Variants in ROBO3 observed in about 807,000 individuals in gnomAD.
ROBO3 encodes roundabout homolog 3.
In ROBO3, 97 loss-of-function variants were observed where a neutral mutation model predicts 160.5. The observed-to-expected ratio is 0.60, with a 90% CI of 0.51 to 0.72. The LOEUF (loss-of-function observed/expected upper bound fraction) is 0.72. Among genes scored for constraint, ROBO3 ranks in the 30% least tolerant of loss-of-function variants. The pLI is 0.00. For synonymous variants in ROBO3, 780 were observed against 746.2 expected, an observed-to-expected ratio of 1.05 and a Z score of -0.74; for missense variants, 1,858 against 1,846.5, an observed-to-expected ratio of 1.01 and a Z score of -0.11.
intron 1 of ROBO3, among the ~76,000 whole-genome samples, chr11:124,868,070 A>G (rs917677168): frequency 1.3e-5 from 2 of 152,238 alleles, no homozygotes; most frequent in African/African-American, 4.8e-5. Context: ...AGGAACATCA[A>G]TCAGTAGAAT....
At chr11:124,880,829 G>A (rs897100093) in intron 27 of ROBO3, among the ~76,000 whole-genome samples, 68 of 152,128 alleles carry the variant, frequency 4.5e-4, no homozygotes, top group Admixed American at 5.2e-4. Context: ...CGAGATGGGC[G>A]GATCCCTTGA....
At position 124,872,117 on chromosome 11, in the gene ROBO3, T is replaced by A. The variant is rs1946286105; in HGVS notation, c.1159-264T>A. Among the ~76,000 whole-genome samples, 1 of 152,246 alleles carries A rather than the reference T, an allele frequency of 6.6e-6. No individual in the cohort carries two copies. Among genetic ancestry groups the A allele is most frequent in the Non-Finnish European group, 1.5e-5 (1 of 68,044 alleles). On this transcript the variant is annotated intron_variant, in intron 7 of 27. Transcript: ENST00000397801. This position sits in a 1 kb window ranked among gnomAD's most constrained non-coding sequence, Gnocchi z 4.3. The stretch of plus-strand genomic sequence containing the variant: ...GAAGTCAAATTTGGGAAATTGGGGC[T>A]CAGGCAGGTTAAACAGCTTGTTCAG...
chr11:124,876,421 T>C lies in ROBO3; in HGVS notation c.2740T>C (p.Trp914Arg). 1 of 1,448,418 alleles carries C rather than the reference T, an allele frequency of 6.9e-7. No individual in the cohort carries two copies. The highest frequency in any genetic ancestry group is 1.9e-4 in the Middle Eastern group (1 of 5,240). The allele number at this position is 1,448,418 out of a possible 1,614,324, so 89.7% of individuals were successfully genotyped here. ...TCTCGGGCTCTGCGCCGCCCTCTAC[T>C]GGCGCCGGAAACAGCGCAAAGAGCT... ...LLLGLCAALY[W>R]RRKQRKELSH... The change falls in exon 17 of 28, where the codon TGG becomes CGG. Residue 914 changes from tryptophan (W) to arginine (R), a missense_variant. Transcript: ENST00000397801. The surrounding 1 kb of genome is among the most constrained non-coding windows in gnomAD (Gnocchi z 5.3).
In ROBO3 at chr11:124,876,380, C is replaced by T. The variant is rs746827802; in HGVS notation, c.2699C>T (p.Ala900Val). ...EPAFLAGSGA[A>V]CGALLLGLCA... The stretch of plus-strand genomic sequence containing the variant: ...GCCTTCCTCGCGGGCAGCGGCGCAG[C>T]CTGCGGGGCGCTGCTTCTCGGGCTC... Residue 900 changes from alanine to valine, a missense_variant, in exon 17 of 28, where the codon GCC becomes GTC. Physicochemically the swap from Ala to Val is moderately conservative, Grantham distance 64. Coordinates refer to ENST00000397801, the MANE Select transcript of ROBO3 (RefSeq NM_022370.4). The surrounding 1 kb of genome is among the most constrained non-coding windows in gnomAD (Gnocchi z 5.3). 31 of 1,445,002 alleles carry T rather than the reference C, an allele frequency of 2.1e-5. No individual in the cohort carries two copies. In the East Asian group the frequency reaches 8.5e-4, roughly 40 times the overall value. The allele number at this position is 1,445,002 out of a possible 1,614,324, so 89.5% of individuals were successfully genotyped here.
Position 124,881,250 on chromosome 11 carries a change from A to G in ROBO3, c.4161A>G (p.Ter1387TrpextTer6). 2.5e-6 allele frequency: 4 copies of G among 1,604,556 alleles called. No homozygotes were observed. The highest frequency in any genetic ancestry group is 3.4e-6 in the Non-Finnish European group (4 of 1,175,420). ...CTCTCTCTCCCTAGGAACCAAGATG[A>G]CCCTTGTTGGGGCATTGAGAATATC... ...PGQKRREEPR[*>W] is the part of the protein sequence containing the mutation. The change falls in exon 28 of 28, where the codon TGA becomes TGG. Residue 1387 changes from the stop codon to tryptophan (W), a stop_lost. Coordinates refer to ENST00000397801, the MANE Select transcript of ROBO3 (RefSeq NM_022370.4).
At chr11:124,877,804 C>A in intron 20 of ROBO3, 133 bp from the exon 21 acceptor site, 1 of 1,213,864 alleles carries the variant, frequency 8.2e-7, no homozygotes, top group Non-Finnish European at 1.2e-6. Context: ...TCAGACCTAC[C>A]TCCACCCTGG....
At chr11:124,868,472 C>G (rs1226644635) in intron 1 of ROBO3, 1 of 592,684 alleles carries the variant, frequency 1.7e-6, no homozygotes, top group African/African-American at 1.9e-5. Context: ...GTCTACTCGC[C>G]AAGCGTGGTT....
chr11:124,880,707 G>T, intron 27 of ROBO3, 99 bp downstream of exon 27: 8 of 1,433,216 alleles, frequency 5.6e-6, no homozygotes, highest in Non-Finnish European at 7.3e-6. Flanking sequence ...GCTTGTGGAG[G>T]AGTGTCAAAA....
rs552230242 is a variant in ROBO3, at chr11:124,881,229, C to T, written c.4150-10C>T. On this transcript the variant is annotated splice_polypyrimidine_tract_variant and intron_variant, in intron 27 of 27. Transcript: ENST00000397801. ...GTTTTACAAAACAGCATCTCTCTCT[C>T]TCTCCCTAGGAACCAAGATGACCCT... is the stretch of plus-strand genomic sequence containing the variant. The T allele has an allele frequency of 2.5e-6, 4 of 1,605,116 alleles. No homozygotes were observed. The African/African-American group carries it at 4.0e-5, about 16-fold the overall frequency.
At position 124,872,097 on chromosome 11, in the gene ROBO3, C is replaced by T. The variant is rs143312968; in HGVS notation, c.1159-284C>T. Among the ~76,000 whole-genome samples, 1,613 of 152,328 alleles carry T rather than the reference C, an allele frequency of 0.011. 26 individuals carry two copies. Among genetic ancestry groups the T allele is most frequent in the African/African-American group, 0.036 (1,515 of 41,570 alleles). On this transcript the variant is annotated intron_variant, in intron 7 of 27. Transcript: ENST00000397801. The surrounding 1 kb of genome is among the most constrained non-coding windows in gnomAD (Gnocchi z 4.3). ...ATCTTTATAACTATCCTCTAGAAGT[C>T]AAATTTGGGAAATTGGGGCTCAGGC... is the stretch of plus-strand genomic sequence containing the variant.
rs372223363 is a variant in ROBO3, at chr11:124,877,324, C to T, written c.2846+15C>T. 14 of 1,613,794 alleles carry T rather than the reference C, an allele frequency of 8.7e-6. No homozygotes were observed. Among genetic ancestry groups the T allele is most frequent in the Non-Finnish European group, 1.1e-5 (13 of 1,179,730 alleles). On this transcript the variant is annotated intron_variant, in intron 19 of 27. Coordinates refer to ENST00000397801, the MANE Select transcript of ROBO3 (RefSeq NM_022370.4). ...GCCAGTTCCAGGTAATTCTCTTAGC[C>T]CATTTCCTCAGGATGACCTCCACCG...
Position 124,870,589 on chromosome 11 carries a change from G to A in ROBO3, c.906-12G>A. On this transcript the variant is annotated splice_polypyrimidine_tract_variant and intron_variant, in intron 5 of 27. Coordinates refer to ENST00000397801, the MANE Select transcript of ROBO3 (RefSeq NM_022370.4). ...CTGTGGCCAACCCAGCCTGGGGTGG[G>A]GAGTGGAGCAGGTATGAGATCCGGA... The A allele has an allele frequency of 6.2e-7, 1 of 1,613,756 alleles. No individual in the cohort carries two copies. Among genetic ancestry groups the A allele is most frequent in the Non-Finnish European group, 8.5e-7 (1 of 1,179,844 alleles).
chr11:124,878,305 G>A lies in ROBO3; in HGVS notation c.3189G>A (p.Lys1063=). The A allele has an allele frequency of 2.5e-6, 4 of 1,613,206 alleles. No homozygotes were observed. Among genetic ancestry groups the A allele is most frequent in the Non-Finnish European group, 2.5e-6 (3 of 1,179,608 alleles). The part of the protein sequence containing the change: ...PEWSQGDSGA[K]GGKVKLLGKP... ...CCATCCTATTCTCCTCAGGAGCCAA[G>A]GGAGGCAAAGTGAAGCTTCTGGGGA... The change falls in exon 22 of 28, where the codon AAG becomes AAA. Residue 1063 remains lysine (K), a synonymous_variant. Coordinates refer to ENST00000397801, the MANE Select transcript of ROBO3 (RefSeq NM_022370.4). The surrounding 1 kb of genome is among the most constrained non-coding windows in gnomAD (Gnocchi z 4.3).
Position 124,873,482 on chromosome 11 carries a change from A to T in ROBO3, c.1618+91A>T. 8.4e-7 allele frequency: 1 copy of T among 1,195,880 alleles called. No homozygotes were observed. Among genetic ancestry groups the T allele is most frequent in the Non-Finnish European group, 1.2e-6 (1 of 824,920 alleles). 74.1% of individuals were successfully genotyped at this position (1,195,880 alleles called of 1,614,324 possible). Reference sequence around the variant, plus strand: ...CGATACCTCCTCAAACTCCGGGATTAACTTTATGTCACAAATGCCATGGTT... The same window carrying T: ...CGATACCTCCTCAAACTCCGGGATTTACTTTATGTCACAAATGCCATGGTT... On this transcript the variant is annotated intron_variant, in intron 10 of 27. Transcript: ENST00000397801. This position sits in a 1 kb window ranked among gnomAD's most constrained non-coding sequence, Gnocchi z 4.5.
Position 124,865,694 on chromosome 11 carries a change from G to C in ROBO3, c.117G>C (p.Ala39=), listed in dbSNP as rs777720082. Residue 39 remains alanine, a synonymous_variant, in exon 1 of 28, where the codon GCG becomes GCC. Transcript: ENST00000397801. This position sits in a 1 kb window ranked among gnomAD's most constrained non-coding sequence, Gnocchi z 5.5. ...LLLGFNSSLA[A]LNHTLLPPGD... Reference sequence around the variant, plus strand: ...TGGGCTTCAACTCCTCGCTGGCGGCGCTCAACCACACCCTGCTGCCTCCCG... The same window carrying C: ...TGGGCTTCAACTCCTCGCTGGCGGCCCTCAACCACACCCTGCTGCCTCCCG... 9.3e-6 allele frequency: 15 copies of C among 1,611,248 alleles called. No homozygotes were observed. The highest frequency in any genetic ancestry group is 3.3e-4 in the Middle Eastern group (2 of 5,984).
At chr11:124,868,284 C>T (rs986025418) in intron 1 of ROBO3, among the ~76,000 whole-genome samples, 4 of 152,168 alleles carry the variant, frequency 2.6e-5, no homozygotes, top group Non-Finnish European at 4.4e-5. Context: ...CCCGTCTTGC[C>T]TTTCATAAGG....
Position 124,876,835 on chromosome 11 carries a change from G to A in ROBO3, c.2780-326G>A. ...TCCCAGGCAGTAAATTGTGCGGCGG[G>A]GTCTGGATGGAAAGGCGGGGCCCGC... On this transcript the variant is annotated intron_variant, in intron 17 of 27. Transcript: ENST00000397801. The surrounding 1 kb of genome is among the most constrained non-coding windows in gnomAD (Gnocchi z 5.3). 1.8e-6 allele frequency: 1 copy of A among 552,360 alleles called. No individual in the cohort carries two copies. The highest frequency in any genetic ancestry group is 3.2e-5 in the Admixed American group (1 of 31,118). 34.2% of individuals were successfully genotyped at this position (552,360 alleles called of 1,614,324 possible).
At position 124,865,571 on chromosome 11, in the gene ROBO3, T is replaced by A; in HGVS notation, c.-7T>A. ...GCCCCCAGTCCCGATCCCAGCTGGG[T>A]CGAGCCATGCTGCGCTACCTGCTGA... On this transcript the variant is annotated 5_prime_UTR_variant, in exon 1 of 28. Transcript: ENST00000397801. The surrounding 1 kb of genome is among the most constrained non-coding windows in gnomAD (Gnocchi z 5.5). 6.2e-7 allele frequency: 1 copy of A among 1,610,264 alleles called. No homozygotes were observed. Among genetic ancestry groups the A allele is most frequent in the Non-Finnish European group, 8.5e-7 (1 of 1,179,478 alleles).
chr11:124,876,530 T>G lies in ROBO3; in HGVS notation c.2779+70T>G. ...GCGGCCCATGGGGAGGGGCAGGGGCTTAGCCGCTGGCGAGTGAGGACCGGG... is the reference window on the plus strand; with the variant it reads ...GCGGCCCATGGGGAGGGGCAGGGGCGTAGCCGCTGGCGAGTGAGGACCGGG... On this transcript the variant is annotated intron_variant, in intron 17 of 27. Coordinates refer to ENST00000397801, the MANE Select transcript of ROBO3 (RefSeq NM_022370.4). This position sits in a 1 kb window ranked among gnomAD's most constrained non-coding sequence, Gnocchi z 5.3. The G allele has an allele frequency of 9.4e-6, 12 of 1,271,838 alleles. No homozygotes were observed. Among genetic ancestry groups the G allele is most frequent in the Non-Finnish European group, 1.2e-5 (12 of 990,024 alleles). The allele number at this position is 1,271,838 out of a possible 1,614,324, so 78.8% of individuals were successfully genotyped here. A position where few individuals can be genotyped will look rare whatever the true frequency, so the allele number is the denominator to read the frequency against.
Sources: allele counts gnomAD v4.1 joint callset (sites outside exome capture counted in the v4.1 genomes callset), GRCh38; gene constraint gnomAD v4.1.1; non-coding constraint Gnocchi (gnomAD v3.1); transcripts MANE v1.5; gene names NCBI Gene and HGNC (gene_info 2026-07-23, HGNC 2026-07-21).